Variants in DAAM2 observed in about 807,000 individuals in gnomAD.
DAAM2 encodes the protein dishevelled associated activator of morphogenesis 2, also known as disheveled-associated activator of morphogenesis 2.
In DAAM2, 39 loss-of-function variants were observed where a neutral mutation model predicts 120.7. That is an observed-to-expected ratio of 0.32 (90% CI 0.25 to 0.42). The LOEUF (loss-of-function observed/expected upper bound fraction) is 0.42. DAAM2 is among the 10% of genes least tolerant of loss of function. The pLI, the probability that DAAM2 is intolerant of heterozygous loss-of-function variation, is 1.00. For missense variants in DAAM2, 1,283 were observed against 1,401.7 expected, an observed-to-expected ratio of 0.92 and a Z score of 1.35; for synonymous variants, 488 against 524.9, an observed-to-expected ratio of 0.93 and a Z score of 0.96.
chr6:39,792,729 C>G (rs1324980130), intron 1 of DAAM2, among the ~76,000 whole-genome samples: 1 of 152,204 alleles, frequency 6.6e-6, no homozygotes, highest in African/African-American at 2.4e-5. Flanking sequence ...ACTGGCACAT[C>G]TGGACATAGG....
At chr6:39,884,106 C>A (rs1261891974) in intron 15 of DAAM2, 37 bp downstream of exon 15, 3 of 1,137,386 alleles carry the variant, frequency 2.6e-6, no homozygotes, top group Non-Finnish European at 3.9e-6. Flanking sequence ...TGGACCATAC[C>A]CTTGAATCCA....
intron 1 of DAAM2, among the ~76,000 whole-genome samples, chr6:39,826,084 T>C (rs530662096): frequency 1.1e-3 from 161 of 152,294 alleles, no homozygotes; most frequent in African/African-American, 3.6e-3. Context: ...ACATGTGTCT[T>C]GGTCCAGCTT....
chr6:39,868,863 G>A lies in DAAM2; in HGVS notation c.803G>A (p.Arg268Gln), dbSNP rs1045710205. The A allele has an allele frequency of 1.3e-5, 21 of 1,588,420 alleles. No individual in the cohort carries two copies. The highest frequency in any genetic ancestry group is 2.3e-5 in the South Asian group (2 of 86,464). ...CTAGACCGAAGTCTGGGCCGGTACC[G>A]GGATGAAGTGAATCTGAAAACAGCC... ...NELDRSLGRY[R>Q]DEVNLKTAIM... Residue 268 changes from arginine to glutamine, a missense_variant, in exon 7 of 25, where the codon CGG becomes CAG. By Grantham distance (43) the Arg-to-Gln change is conservative (BLOSUM62 1). This residue lies in a region of DAAM2 where 338 missense variants were observed against 443.9 expected (regional missense o/e 0.76). Coordinates refer to ENST00000274867, the MANE Select transcript of DAAM2 (RefSeq NM_001201427.2).
rs1766585155 is a variant in DAAM2 at position 39,903,121 on chromosome 6, G to A, written c.*1084G>A. The A allele has an allele frequency of 6.6e-6, 1 of 152,294 alleles. No homozygotes were observed. Among genetic ancestry groups the A allele is most frequent in the Non-Finnish European group, 1.5e-5 (1 of 68,086 alleles). 9.4% of individuals were successfully genotyped at this position (152,294 alleles called of 1,614,324 possible). On this transcript the variant is annotated 3_prime_UTR_variant, in exon 25 of 25. Transcript: ENST00000274867. Reference sequence around the variant, plus strand: ...CCTGCAGGTGGCCACTTGGAACCATGTGTCCACTGGCGTTGGGGAGTTGGT... The same window carrying A: ...CCTGCAGGTGGCCACTTGGAACCATATGTCCACTGGCGTTGGGGAGTTGGT...
Position 39,891,432 on chromosome 6 carries a change from T to A in DAAM2, c.2237T>A (p.Leu746His). Residue 746 changes from leucine (L) to histidine (H), a missense_variant, in exon 18 of 25, where the codon CTC becomes CAC. Transcript: ENST00000274867. Reference protein sequence around the residue: ...IERMARADRFLYEMSRIDHYQ... With the variant: ...IERMARADRFHYEMSRIDHYQ... Reference sequence around the variant, plus strand: ...CGGATGGCCCGTGCTGACCGCTTCCTCTATGAAATGAGCAGGTTGGGCCAT... The same window carrying A: ...CGGATGGCCCGTGCTGACCGCTTCCACTATGAAATGAGCAGGTTGGGCCAT... The A allele has an allele frequency of 6.2e-7, 1 of 1,607,874 alleles. No individual in the cohort carries two copies. The highest frequency in any genetic ancestry group is 8.5e-7 in the Non-Finnish European group (1 of 1,176,840).
chr6:39,887,391 A>C (rs1348160307), intron 15 of DAAM2, 95 bp from the exon 16 acceptor site: 2 of 785,810 alleles, frequency 2.5e-6, no homozygotes, highest in Non-Finnish European at 4.3e-6. Flanking sequence ...CACCAGGAGC[A>C]TTCCTGGATT....
At chr6:39,855,704 C>T (rs750915441) in intron 1 of DAAM2, among the ~76,000 whole-genome samples, 2 of 152,222 alleles carry the variant, frequency 1.3e-5, no homozygotes, top group Non-Finnish European at 2.9e-5. Context: ...TTCCGTCTTC[C>T]TCCTGCTCTG....
At chr6:39,826,027 G>T (rs1762660483) in intron 1 of DAAM2, among the ~76,000 whole-genome samples, 1 of 152,152 alleles carries the variant, frequency 6.6e-6, no homozygotes, top group South Asian at 2.1e-4. Flanking sequence ...ATGAGATAAG[G>T]CGTATTTCAT....
At chr6:39,875,284 G>A in intron 10 of DAAM2, 46 bp from the exon 11 acceptor site, 3 of 1,592,138 alleles carry the variant, frequency 1.9e-6, no homozygotes, top group Non-Finnish European at 2.6e-6. Context: ...GGGGCCCAAG[G>A]GGGACTTCAG....
Position 39,896,823 on chromosome 6 carries a change from G to A in DAAM2, c.2353G>A (p.Ala785Thr), listed in dbSNP as rs1766123685. 1 of 1,594,802 alleles carries A rather than the reference G, an allele frequency of 6.3e-7. No individual in the cohort carries two copies. The highest frequency in any genetic ancestry group is 8.6e-7 in the Non-Finnish European group (1 of 1,169,508). Residue 785 changes from alanine (A) to threonine (T), a missense_variant, in exon 20 of 25, where the codon GCC becomes ACC. Ala to Thr is a moderately conservative substitution (Grantham distance 58). Around this residue, in one of 3 missense-constraint regions of DAAM2, gnomAD observed 748 missense variants for 768.6 expected, o/e 0.97. Transcript: ENST00000274867. ...GCCTCCTCTCCCAGCCATCCTGTTG[G>A]CCTCCCGGGAGCTGGTCCGCAGCAA... Reference protein sequence around the residue: ...AKPKVEAILLASRELVRSKRL... With the variant: ...AKPKVEAILLTSRELVRSKRL...
intron 1 of DAAM2, among the ~76,000 whole-genome samples, chr6:39,831,817 AGGGACCAGAGCACT>A (rs1762911313): frequency 3.9e-5 from 1 of 25,810 alleles, no homozygotes; most frequent in Non-Finnish European, 6.4e-5. Context: ...GGTGCAGTGC[AGGGACCAGAGCACT>A]GGGGGGTAGG....
chr6:39,891,236 A>T, intron 17 of DAAM2, 105 bp from the exon 18 acceptor site: 2 of 833,078 alleles, frequency 2.4e-6, no homozygotes, highest in Non-Finnish European at 3.9e-6. Flanking sequence ...CCCTCTTTCA[A>T]GGCACCCTCC....
chr6:39,813,708 C>T (rs575102731), intron 1 of DAAM2, among the ~76,000 whole-genome samples: 44 of 152,300 alleles, frequency 2.9e-4, no homozygotes, highest in African/African-American at 8.7e-4. Context: ...TCCTCTGCCC[C>T]CTTTCCCACA....
intron 1 of DAAM2, among the ~76,000 whole-genome samples, chr6:39,793,646 T>G (rs1301149660): frequency 6.6e-6 from 1 of 152,196 alleles, no homozygotes; most frequent in Non-Finnish European, 1.5e-5. Context: ...GTTAGTTTCC[T>G]GAGTTTCTTT....
chr6:39,827,086 T>C (rs1327458496), intron 1 of DAAM2, among the ~76,000 whole-genome samples: 1 of 152,214 alleles, frequency 6.6e-6, no homozygotes, highest in Admixed American at 6.5e-5. Context: ...GTAGTTGTTG[T>C]TTCCACTTAA....
At chr6:39,887,682 T>A in intron 16 of DAAM2, 90 bp downstream of exon 16, 2 of 850,934 alleles carry the variant, frequency 2.4e-6, no homozygotes, top group Non-Finnish European at 3.8e-6. Context: ...CCTCTCCCTC[T>A]CTGCTGTCCC....
chr6:39,865,027 C>A lies in DAAM2; in HGVS notation c.381C>A (p.Asn127Lys), dbSNP rs1764368834. 3.1e-6 allele frequency: 5 copies of A among 1,607,870 alleles called. No individual in the cohort carries two copies. The East Asian group carries it at 1.1e-4, about 36-fold the overall frequency. Residue 127 changes from asparagine to lysine, a missense_variant, in exon 5 of 25, where the codon AAC (asparagine) becomes AAA (lysine). Physicochemically the swap from Asn to Lys is moderately conservative, Grantham distance 94. Around this residue, in one of 3 missense-constraint regions of DAAM2, gnomAD observed 197 missense variants for 189.3 expected, o/e 1.04. Transcript: ENST00000274867. Reference sequence around the variant, plus strand: ...ATGAGGAGGAGACGGAGATGAGGAACCAAGTCGTGGAAGACCTGAAGACAG... The same window carrying A: ...ATGAGGAGGAGACGGAGATGAGGAAACAAGTCGTGGAAGACCTGAAGACAG... ...AFDEEETEMR[N>K]QVVEDLKTAL...
intron 5 of DAAM2, 97 bp downstream of exon 5, chr6:39,865,171 G>A: frequency 1.3e-6 from 1 of 750,878 alleles, no homozygotes; most frequent in Non-Finnish European, 2.3e-6. Flanking sequence ...TCCCATGCCG[G>A]TCCTCCTGGC....
intron 1 of DAAM2, among the ~76,000 whole-genome samples, chr6:39,803,384 G>T (rs1312280979): frequency 6.6e-6 from 1 of 152,318 alleles, no homozygotes; most frequent in Non-Finnish European, 1.5e-5. Flanking sequence ...CAGCTCCCAG[G>T]CTCTTTCTAG....
Sources: allele counts gnomAD v4.1 joint callset (sites outside exome capture counted in the v4.1 genomes callset), GRCh38; gene constraint gnomAD v4.1.1; regional missense constraint gnomAD v4.1.1; transcripts MANE v1.5; gene names NCBI Gene and HGNC (gene_info 2026-07-23, HGNC 2026-07-21).